Variants in LARGE1 observed in about 807,000 individuals in gnomAD.
LARGE1 encodes the protein LARGE xylosyl- and glucuronyltransferase 1, also known as xylosyl- and glucuronyltransferase LARGE1.
LARGE1 carries 43 observed loss-of-function variants against 87.6 expected under a neutral mutation model. That is an observed-to-expected ratio of 0.49 (90% CI 0.38 to 0.63). The LOEUF (loss-of-function observed/expected upper bound fraction) is 0.63, where lower values mean the gene tolerates loss of function less well. Among genes scored for constraint, LARGE1 ranks in the 30% least tolerant of loss-of-function variants. The pLI, the probability that LARGE1 is intolerant of heterozygous loss-of-function variation, is 0.00. For missense variants in LARGE1, 802 were observed against 1,000.2 expected, an observed-to-expected ratio of 0.80 and a Z score of 2.67; for synonymous variants, 434 against 394.6, an observed-to-expected ratio of 1.10 and a Z score of -1.18.
chr22:33,519,390 G>A (rs1229871703), intron 6 of LARGE1, among the ~76,000 whole-genome samples: 1 of 152,072 alleles, frequency 6.6e-6, no homozygotes, highest in Non-Finnish European at 1.5e-5. Flanking sequence ...CTCTGCCACG[G>A]GGATATCTAA....
chr22:33,773,657 G>C (rs181885401), intron 1 of LARGE1, among the ~76,000 whole-genome samples: 2 of 152,242 alleles, frequency 1.3e-5, no homozygotes, highest in Non-Finnish European at 2.9e-5. Context: ...CAAAGCTCTG[G>C]GAGTCAGGAA....
the LARGE1 span, among the ~76,000 whole-genome samples, chr22:33,139,873 C>T: frequency 6.6e-6 from 1 of 152,238 alleles, no homozygotes; most frequent in African/African-American, 2.4e-5. Context: ...GCCTTTCTCT[C>T]CCCACTTGCA....
At chr22:33,783,580 G>T (rs2085500647) in intron 1 of LARGE1, among the ~76,000 whole-genome samples, 1 of 152,146 alleles carries the variant, frequency 6.6e-6, no homozygotes, top group African/African-American at 2.4e-5. Flanking sequence ...ACACAAATTT[G>T]TATGGAGAGT....
rs182051809 is a variant in LARGE1, at chr22:33,694,942, G to C, written c.107-44274C>G. ...AAGAAATAAATTAATTAAGTGCTTA[G>C]TGAGCATCTTTAGTGAATACTATAT... On this transcript the variant is annotated intron_variant, in intron 2 of 14. Transcript: ENST00000397394. Among the ~76,000 whole-genome samples, 284 of 152,208 alleles carry C rather than the reference G, an allele frequency of 1.9e-3. 3 individuals carry two copies. The highest frequency in any genetic ancestry group is 5.4e-4 in the Non-Finnish European group (37 of 68,018).
intron 6 of LARGE1, among the ~76,000 whole-genome samples, chr22:33,495,526 C>T (rs1034190458): frequency 1.3e-5 from 2 of 152,128 alleles, no homozygotes; most frequent in South Asian, 2.1e-4. Context: ...CGAGACCAGC[C>T]TGACAGACAT....
At chr22:33,093,967 G>A in the LARGE1 span, among the ~76,000 whole-genome samples, 44 of 151,304 alleles carry the variant, frequency 2.9e-4, no homozygotes, top group South Asian at 3.8e-3. Flanking sequence ...GGTCAGGCTC[G>A]TCTCAAAGTC....
At chr22:33,493,468 G>A (rs1312152837) in intron 6 of LARGE1, among the ~76,000 whole-genome samples, 4 of 151,996 alleles carry the variant, frequency 2.6e-5, no homozygotes, top group Non-Finnish European at 4.4e-5. Context: ...GCCTGAGCAT[G>A]GAATTTTTTA....
At chr22:33,756,751 G>T (rs1569429052) in intron 2 of LARGE1, among the ~76,000 whole-genome samples, 1 of 152,224 alleles carries the variant, frequency 6.6e-6, no homozygotes, top group Non-Finnish European at 1.5e-5. Flanking sequence ...TGAGGAGTCT[G>T]AAGAACGAAG....
intron 11 of LARGE1, among the ~76,000 whole-genome samples, chr22:33,305,241 G>A (rs753479035): frequency 2.6e-5 from 4 of 151,774 alleles, no homozygotes; most frequent in Non-Finnish European, 4.4e-5. Context: ...GGGTGATGCT[G>A]TCTGCATCAC....
the LARGE1 span, among the ~76,000 whole-genome samples, chr22:33,100,895 A>C: frequency 6.7e-6 from 1 of 149,620 alleles, no homozygotes; most frequent in East Asian, 2.0e-4. Flanking sequence ...GCTGGAGTGC[A>C]ATGGTGCGAT....
At chr22:33,687,372 C>G (rs1472357495) in intron 2 of LARGE1, among the ~76,000 whole-genome samples, 1 of 147,916 alleles carries the variant, frequency 6.8e-6, no homozygotes, top group East Asian at 2.1e-4. Flanking sequence ...GTCTCCATCC[C>G]TTTACCTTGC....
At chr22:33,112,673 A>G in the LARGE1 span, among the ~76,000 whole-genome samples, 1 of 152,208 alleles carries the variant, frequency 6.6e-6, no homozygotes, top group African/African-American at 2.4e-5. Context: ...TAAAGAGGTC[A>G]ATGTGCTCTC....
the LARGE1 span, among the ~76,000 whole-genome samples, chr22:33,080,329 C>G: frequency 6.6e-6 from 1 of 152,214 alleles, no homozygotes; most frequent in Non-Finnish European, 1.5e-5. Flanking sequence ...TGATAACAAA[C>G]AACCACCAGA....
chr22:33,787,399 A>T (rs568356674), intron 1 of LARGE1, among the ~76,000 whole-genome samples: 1 of 152,270 alleles, frequency 6.6e-6, no homozygotes, highest in South Asian at 2.1e-4. Context: ...GTGATATCTC[A>T]ATATTGTTCT....
chr22:33,104,087 G>C, the LARGE1 span, among the ~76,000 whole-genome samples: 1 of 152,142 alleles, frequency 6.6e-6, no homozygotes, highest in Non-Finnish European at 1.5e-5. Flanking sequence ...GACTAATACA[G>C]AAATGGATTT....
At chr22:33,448,249 G>C (rs1037025793) in intron 6 of LARGE1, among the ~76,000 whole-genome samples, 1 of 152,144 alleles carries the variant, frequency 6.6e-6, no homozygotes, top group Non-Finnish European at 1.5e-5. Flanking sequence ...CTACATGGAA[G>C]TATGTGAATT....
intron 1 of LARGE1, among the ~76,000 whole-genome samples, chr22:33,862,839 G>A (rs1220039334): frequency 6.6e-6 from 1 of 152,146 alleles, no homozygotes; most frequent in Non-Finnish European, 1.5e-5. Flanking sequence ...GAGGTCAAAA[G>A]AGTCAAAACA....
intron 1 of LARGE1, among the ~76,000 whole-genome samples, chr22:33,874,456 C>T (rs529500409): frequency 1.3e-5 from 2 of 152,284 alleles, no homozygotes; most frequent in Admixed American, 6.5e-5. Flanking sequence ...CAATGTAACA[C>T]GTGGCAGCTG....
intron 1 of LARGE1, among the ~76,000 whole-genome samples, chr22:33,782,129 C>T (rs1785880604): frequency 6.6e-6 from 1 of 152,136 alleles, no homozygotes; most frequent in African/African-American, 2.4e-5. Flanking sequence ...GTCTGGAGTC[C>T]GAGTTCTTCT....
Sources: allele counts gnomAD v4.1 joint callset (sites outside exome capture counted in the v4.1 genomes callset), GRCh38; gene constraint gnomAD v4.1.1; transcripts MANE v1.5; gene names NCBI Gene and HGNC (gene_info 2026-07-23, HGNC 2026-07-21).